Variants in ADAMTS19 observed in about 807,000 individuals in gnomAD.
ADAMTS19 encodes A disintegrin and metalloproteinase with thrombospondin motifs 19.
Under a neutral mutation model 153.3 loss-of-function variants are expected in ADAMTS19, and 93 were observed. The ratio of observed to expected loss-of-function variants is 0.61; its 90% CI spans 0.51 to 0.72. The LOEUF is 0.72. Among genes scored for constraint, ADAMTS19 ranks in the 30% least tolerant of loss-of-function variants. The probability of loss-of-function intolerance (pLI) is 0.00; values close to 1 mark genes in which losing one functional copy is unlikely to be tolerated. For missense variants in ADAMTS19, 1,482 were observed against 1,552.1 expected (o/e 0.95, Z 0.76); for synonymous variants, 600 against 556.6 (o/e 1.08, Z -1.10).
Position 129,602,584 on chromosome 5 carries a change from TAGAG to T in ADAMTS19, c.1478+5922_1478+5925del, listed in dbSNP as rs992058848. Among the ~76,000 whole-genome samples, 759 of 152,278 alleles carry T rather than the reference TAGAG, an allele frequency of 5.0e-3. 6 individuals are homozygous for T. The highest frequency in any genetic ancestry group is 0.017 in the African/African-American group (706 of 41,560). ...TTTTACAGATGAGAAAATAAACTAA[TAGAG>T]ATTCATTTTTCAGTTTATGCAATAT... On this transcript the variant is annotated intron_variant, in intron 8 of 22. Transcript: ENST00000274487.
chr5:129,663,429 G>A (rs1267514348), intron 15 of ADAMTS19, among the ~76,000 whole-genome samples: 1 of 152,124 alleles, frequency 6.6e-6, no homozygotes, highest in Admixed American at 6.5e-5. Context: ...GTACCATTTT[G>A]TTAGATACAA....
intron 8 of ADAMTS19, among the ~76,000 whole-genome samples, chr5:129,609,449 G>A (rs2126949837): frequency 6.6e-6 from 1 of 152,230 alleles, no homozygotes; most frequent in East Asian, 1.9e-4. Context: ...ATACCTTAAT[G>A]TGAAAAGGAG....
intron 15 of ADAMTS19, among the ~76,000 whole-genome samples, chr5:129,664,672 T>G (rs1275642190): frequency 6.6e-6 from 1 of 152,038 alleles, no homozygotes. Context: ...GAAGGTAGAC[T>G]TTTATAAGAT....
At chr5:129,528,399 A>T in intron 5 of ADAMTS19, 121 bp from the exon 6 acceptor site, 1 of 693,574 alleles carries the variant, frequency 1.4e-6, no homozygotes, top group Non-Finnish European at 2.2e-6. Context: ...GGTTCTAATT[A>T]ATGTTATGGT....
At chr5:129,618,886 G>A (rs946548789) in intron 8 of ADAMTS19, among the ~76,000 whole-genome samples, 6 of 151,978 alleles carry the variant, frequency 3.9e-5, no homozygotes, top group Non-Finnish European at 7.4e-5. Flanking sequence ...GAATTCACAA[G>A]AGACTATATA....
chr5:129,608,154 A>G (rs1345767848), intron 8 of ADAMTS19, among the ~76,000 whole-genome samples: 2 of 134,462 alleles, frequency 1.5e-5, no homozygotes, highest in Admixed American at 1.5e-4. Flanking sequence ...GAACATTACT[A>G]AGTCTTTAAA....
At chr5:129,576,927 G>GCA (rs1445772455) in intron 7 of ADAMTS19, among the ~76,000 whole-genome samples, 4 of 152,012 alleles carry the variant, frequency 2.6e-5, no homozygotes, top group Non-Finnish European at 5.9e-5. Flanking sequence ...TGAGCTTCAG[G>GCA]CACATCATCC....
At chr5:129,643,394 AAAAG>A (rs1421449113) in intron 11 of ADAMTS19, among the ~76,000 whole-genome samples, 2 of 151,260 alleles carry the variant, frequency 1.3e-5, no homozygotes, top group Non-Finnish European at 3.0e-5. Context: ...AAAGAAAAAA[AAAAG>A]AAAATATAAA....
intron 10 of ADAMTS19, among the ~76,000 whole-genome samples, chr5:129,639,496 G>A (rs931552745): frequency 6.6e-6 from 1 of 152,122 alleles, no homozygotes. Context: ...ACGTGACCAT[G>A]CTTCTTTTGA....
At chr5:129,721,789 C>T (rs553519140) in intron 21 of ADAMTS19, among the ~76,000 whole-genome samples, 4 of 152,064 alleles carry the variant, frequency 2.6e-5, no homozygotes, top group East Asian at 3.9e-4. Flanking sequence ...TCTGTGTTGT[C>T]GCCCTCCCTG....
intron 2 of ADAMTS19, among the ~76,000 whole-genome samples, chr5:129,487,209 A>G (rs1465280465): frequency 1.3e-5 from 2 of 152,018 alleles, no homozygotes; most frequent in Non-Finnish European, 2.9e-5. Context: ...GGAAGAGTTT[A>G]TTTTCTTCTT....
intron 10 of ADAMTS19, among the ~76,000 whole-genome samples, chr5:129,633,438 ATGT>A (rs1179091938): frequency 3.9e-5 from 6 of 152,168 alleles, no homozygotes; most frequent in Non-Finnish European, 5.9e-5. Flanking sequence ...TATACTAGAA[ATGT>A]TGTTGTTATA....
chr5:129,678,166 C>T (rs1483561370), intron 16 of ADAMTS19, among the ~76,000 whole-genome samples: 1 of 152,082 alleles, frequency 6.6e-6, no homozygotes, highest in Non-Finnish European at 1.5e-5. Context: ...TCTGGTCTGG[C>T]TAGTCCTCAT....
intron 3 of ADAMTS19, among the ~76,000 whole-genome samples, chr5:129,517,125 C>A (rs935218029): frequency 6.6e-6 from 1 of 151,588 alleles, no homozygotes; most frequent in African/African-American, 2.4e-5. Context: ...AGTTTTATTC[C>A]ATTTTGGTTA....
intron 2 of ADAMTS19, among the ~76,000 whole-genome samples, chr5:129,508,797 A>C (rs539421483): frequency 6.6e-6 from 1 of 152,156 alleles, no homozygotes; most frequent in South Asian, 2.1e-4. Flanking sequence ...TGAGCCTTTA[A>C]CATTCCAAAA....
intron 2 of ADAMTS19, among the ~76,000 whole-genome samples, chr5:129,487,748 T>C (rs1283871118): frequency 2.0e-5 from 3 of 152,122 alleles, no homozygotes; most frequent in Non-Finnish European, 4.4e-5. Flanking sequence ...GATGTGCTTT[T>C]TTCTATACAT....
intron 3 of ADAMTS19, among the ~76,000 whole-genome samples, chr5:129,509,912 T>C (rs1360633434): frequency 1.3e-5 from 2 of 151,856 alleles, no homozygotes; most frequent in Non-Finnish European, 2.9e-5. Context: ...TCTGTGGTGT[T>C]TGCAAGTATG....
At chr5:129,676,767 T>C (rs2127108822) in intron 16 of ADAMTS19, among the ~76,000 whole-genome samples, 1 of 152,324 alleles carries the variant, frequency 6.6e-6, no homozygotes, top group Middle Eastern at 3.4e-3. Flanking sequence ...AAGAAACATA[T>C]ATACCTAAAG....
chr5:129,542,563 A>G (rs1180169911), intron 6 of ADAMTS19, among the ~76,000 whole-genome samples: 1 of 152,086 alleles, frequency 6.6e-6, no homozygotes, highest in Non-Finnish European at 1.5e-5. Context: ...TTGTATATTG[A>G]AGGGGATGGT....
Sources: gnomAD v4.1 joint callset for allele counts (sites outside exome capture counted in the v4.1 genomes callset) on GRCh38, gnomAD v4.1.1 for gene constraint, MANE v1.5 for transcripts, NCBI Gene and HGNC (gene_info 2026-07-23, HGNC 2026-07-21) for gene names.